PPARD: variants seen among roughly 807,000 people sequenced by gnomAD.
PPARD encodes the protein peroxisome proliferator-activated receptor delta.
Under a neutral mutation model 39.5 loss-of-function variants are expected in PPARD, and 6 were observed. The observed-to-expected ratio is 0.15, with a 90% confidence interval of 0.08 to 0.30. PPARD has a LOEUF of 0.30. PPARD is among the 10% of genes least tolerant of loss of function. The pLI, the probability that PPARD is intolerant of heterozygous loss-of-function variation, is 1.00. For missense variants in PPARD, 397 were observed against 596.8 expected (o/e 0.67, Z 3.49); for synonymous variants, 210 against 231.3 (o/e 0.91, Z 0.83).
intron 2 of PPARD, chr6:35,397,416 C>A: frequency 2.1e-6 from 1 of 465,608 alleles, no homozygotes; most frequent in Non-Finnish European, 2.8e-6. Flanking sequence ...CCAGACGCTG[C>A]TAGGCCCCTC....
intron 2 of PPARD, among the ~76,000 whole-genome samples, chr6:35,404,054 CCAGA>C (rs1764868442): frequency 6.6e-6 from 1 of 152,126 alleles, no homozygotes. Context: ...GGACTGGCAG[CCAGA>C]CAGAGGATTC....
chr6:35,410,444 A>G (rs977241388), intron 2 of PPARD, among the ~76,000 whole-genome samples: 1 of 152,236 alleles, frequency 6.6e-6, no homozygotes, highest in Non-Finnish European at 1.5e-5. Flanking sequence ...CCATGGTTGC[A>G]GATCTGCTGT....
chr6:35,376,545 C>T (rs1480760456), intron 2 of PPARD, among the ~76,000 whole-genome samples: 2 of 152,070 alleles, frequency 1.3e-5, no homozygotes, highest in African/African-American at 4.8e-5. Context: ...CTGGCTGAGA[C>T]TTGGGTCCTG....
Position 35,355,757 on chromosome 6 carries a change from G to A in PPARD, c.-102+8607G>A, listed in dbSNP as rs564663061. 2.2e-4 allele frequency among the ~76,000 whole-genome samples: 33 copies of A among 150,868 alleles called. No homozygotes were observed. The South Asian group carries it at 6.1e-3, about 28-fold the overall frequency. On this transcript the variant is annotated intron_variant, in intron 2 of 7. Transcript: ENST00000360694. ...CTCCCGAGTAGCTGGGACTACAGGC[G>A]CCCGCCACCACTCCTGGCTAATTTT...
chr6:35,423,744 C>G (rs1766371127), intron 5 of PPARD, among the ~76,000 whole-genome samples: 1 of 149,854 alleles, frequency 6.7e-6, no homozygotes, highest in Non-Finnish European at 1.5e-5. Flanking sequence ...TGCAAAGATA[C>G]ACCAAAAAAA....
At chr6:35,397,475 C>G in intron 2 of PPARD, 1 of 936,700 alleles carries the variant, frequency 1.1e-6, no homozygotes, top group Non-Finnish European at 1.3e-6. Context: ...TTATGCTCAT[C>G]TTGATAAGCT....
Position 35,424,390 on chromosome 6 carries a change from A to G in PPARD, c.689A>G (p.Gln230Arg). Reference protein sequence around the residue: ...WQAEKGLVWKQLVNGLPPYKE... With the variant: ...WQAEKGLVWKRLVNGLPPYKE... ...GCAGAGAAGGGGCTGGTGTGGAAGC[A>G]GTTGGTGAATGGCCTGCCTCCCTAC... The change falls in exon 7 of 8, where the codon CAG becomes CGG. Residue 230 changes from glutamine to arginine, a missense_variant. Coordinates refer to ENST00000360694, the MANE Select transcript of PPARD (RefSeq NM_006238.5). The surrounding 1 kb of genome is among the most constrained non-coding windows in gnomAD (Gnocchi z 7.1). 1 of 1,613,934 alleles carries G rather than the reference A, an allele frequency of 6.2e-7. No homozygotes were observed. The highest frequency in any genetic ancestry group is 8.5e-7 in the Non-Finnish European group (1 of 1,179,904).
intron 2 of PPARD, among the ~76,000 whole-genome samples, chr6:35,404,174 T>G (rs760534281): frequency 3.9e-5 from 6 of 152,012 alleles, no homozygotes; most frequent in Non-Finnish European, 8.8e-5. Context: ...CACAGTAGAG[T>G]GGCTAAGACT....
At chr6:35,348,831 T>C in intron 2 of PPARD, 1 of 985,338 alleles carries the variant, frequency 1.0e-6, no homozygotes, top group Non-Finnish European at 1.2e-6. Flanking sequence ...CTTCTGAGGT[T>C]CCCCAAGAGG....
intron 3 of PPARD, among the ~76,000 whole-genome samples, chr6:35,419,472 A>T (rs1765999063): frequency 6.6e-6 from 1 of 152,232 alleles, no homozygotes; most frequent in African/African-American, 2.4e-5. Flanking sequence ...TATACGTCTG[A>T]TAGAAAAACT....
At chr6:35,419,928 G>C (rs911440558) in intron 3 of PPARD, among the ~76,000 whole-genome samples, 199 bp from the exon 4 acceptor site, 1 of 152,224 alleles carries the variant, frequency 6.6e-6, no homozygotes, top group Non-Finnish European at 1.5e-5. Flanking sequence ...GAGAAATGCT[G>C]TGGAGACTTT....
Position 35,412,787 on chromosome 6 carries a change from A to G in PPARD, c.130+1570A>G, listed in dbSNP as rs1267500390. ...GTGTCCGCCATTCCCCGAGTAAGCAACTTCCTGTCTATTGGCTGGTAACTG... is the reference window on the plus strand; with the variant it reads ...GTGTCCGCCATTCCCCGAGTAAGCAGCTTCCTGTCTATTGGCTGGTAACTG... On this transcript the variant is annotated intron_variant, in intron 3 of 7. Transcript: ENST00000360694. The surrounding 1 kb of genome is among the most constrained non-coding windows in gnomAD (Gnocchi z 4.1). Among the ~76,000 whole-genome samples the G allele has an allele frequency of 1.3e-5, 2 of 152,148 alleles. No individual in the cohort carries two copies. Among genetic ancestry groups the G allele is most frequent in the African/African-American group, 4.8e-5 (2 of 41,436 alleles).
At chr6:35,362,533 T>C (rs1761982992) in intron 2 of PPARD, among the ~76,000 whole-genome samples, 1 of 151,674 alleles carries the variant, frequency 6.6e-6, no homozygotes, top group South Asian at 2.1e-4. Flanking sequence ...GGGATGAATC[T>C]CTCAGGAGTT....
In PPARD at chr6:35,425,840, G is replaced by A; in HGVS notation, c.1087G>A (p.Gly363Ser). The A allele has an allele frequency of 6.2e-7, 1 of 1,613,982 alleles. No homozygotes were observed. Among genetic ancestry groups the A allele is most frequent in the Non-Finnish European group, 8.5e-7 (1 of 1,180,010 alleles). ...AAIILCGDRP[G>S]LMNVPRVEAI... is the part of the protein sequence containing the mutation. ...GCCCTGTGTCCCCACAGACCGGCCA[G>A]GCCTCATGAACGTTCCACGGGTGGA... The change falls in exon 8 of 8, where the codon GGC becomes AGC. Residue 363 changes from glycine to serine, a missense_variant. Transcript: ENST00000360694. The surrounding 1 kb of genome is among the most constrained non-coding windows in gnomAD (Gnocchi z 4.5).
intron 2 of PPARD, among the ~76,000 whole-genome samples, chr6:35,387,131 G>A (rs1391464426): frequency 6.6e-6 from 1 of 152,104 alleles, no homozygotes; most frequent in East Asian, 1.9e-4. Flanking sequence ...GAGCTCTCAG[G>A]TTTTGGCTAC....
intron 2 of PPARD, among the ~76,000 whole-genome samples, chr6:35,396,762 A>G (rs1352604933): frequency 6.6e-6 from 1 of 151,898 alleles, no homozygotes; most frequent in Non-Finnish European, 1.5e-5. Flanking sequence ...CCCAGGAGGC[A>G]GAGGTTGCAG....
At chr6:35,396,776 G>A (rs1409312049) in intron 2 of PPARD, among the ~76,000 whole-genome samples, 2 of 152,000 alleles carry the variant, frequency 1.3e-5, no homozygotes, top group Non-Finnish European at 2.9e-5. Flanking sequence ...GTTGCAGTGA[G>A]CCGAGATTGC....
intron 2 of PPARD, among the ~76,000 whole-genome samples, chr6:35,394,357 T>G (rs966998726): frequency 3.9e-5 from 6 of 152,266 alleles, no homozygotes; most frequent in Admixed American, 2.0e-4. Context: ...TGAGGTAGTC[T>G]TCTTCAGCTT....
chr6:35,380,809 A>C (rs1233371528), intron 2 of PPARD, among the ~76,000 whole-genome samples: 1 of 152,062 alleles, frequency 6.6e-6, no homozygotes, highest in Non-Finnish European at 1.5e-5. Context: ...CCTCATTTGT[A>C]AAACAGGCAT....
Sources: allele counts gnomAD v4.1 joint callset (sites outside exome capture counted in the v4.1 genomes callset), GRCh38; gene constraint gnomAD v4.1.1; non-coding constraint Gnocchi (gnomAD v3.1); transcripts MANE v1.5; gene names NCBI Gene and HGNC (gene_info 2026-07-23, HGNC 2026-07-21).